The following COL9A1 variants were observed in gnomAD, a reference collection of about 807,000 sequenced individuals.
COL9A1 encodes the protein collagen type IX alpha 1 chain.
In COL9A1, 104 loss-of-function variants were observed where a neutral mutation model predicts 142.6. That is an observed-to-expected ratio of 0.73 (90% CI 0.62 to 0.86). The LOEUF (loss-of-function observed/expected upper bound fraction) is 0.86, where lower values mean the gene tolerates loss of function less well. Among genes scored for constraint, COL9A1 ranks in the 40% least tolerant of loss-of-function variants. The pLI is 0.00. For missense variants in COL9A1, 1,210 were observed against 1,176.6 expected, an observed-to-expected ratio of 1.03 and a Z score of -0.42; for synonymous variants, 466 against 396.0, an observed-to-expected ratio of 1.18 and a Z score of -2.10.
At chr6:70,229,458 T>C (rs890868917) in intron 36 of COL9A1, among the ~76,000 whole-genome samples, 3 of 152,170 alleles carry the variant, frequency 2.0e-5, no homozygotes, top group African/African-American at 7.2e-5. Flanking sequence ...TTCTCATTGC[T>C]CTATAGTTGC....
At chr6:70,296,300 T>C (rs1773847798) in intron 4 of COL9A1, among the ~76,000 whole-genome samples, 1 of 152,150 alleles carries the variant, frequency 6.6e-6, no homozygotes, top group Admixed American at 6.5e-5. Flanking sequence ...ATGGGATGAA[T>C]TATTTTATCC....
intron 9 of COL9A1, 34 bp downstream of exon 9, chr6:70,280,970 G>A (rs1222394420): frequency 7.4e-6 from 12 of 1,613,436 alleles, no homozygotes; most frequent in Non-Finnish European, 1.0e-5. Flanking sequence ...TCTAAAGGAA[G>A]GAAGTGGAGC....
chr6:70,292,977 A>G (rs992138763), intron 5 of COL9A1, among the ~76,000 whole-genome samples: 10 of 152,226 alleles, frequency 6.6e-5, no homozygotes, highest in African/African-American at 2.4e-4. Context: ...CTTCCCGTCC[A>G]TCACAGAATA....
At chr6:70,263,350 G>T in intron 18 of COL9A1, 53 bp from the exon 19 acceptor site, 3 of 1,511,314 alleles carry the variant, frequency 2.0e-6, no homozygotes, top group South Asian at 1.2e-5. Context: ...TCTAGCAAAC[G>T]AACATAGAAA....
chr6:70,243,076 G>A (rs1203450203), intron 28 of COL9A1, among the ~76,000 whole-genome samples: 1 of 152,188 alleles, frequency 6.6e-6, no homozygotes. Flanking sequence ...ATTCTGCACA[G>A]TGCCTAGAAC....
intron 2 of COL9A1, 136 bp downstream of exon 2, chr6:70,301,865 G>T: frequency 1.4e-6 from 1 of 733,838 alleles, no homozygotes; most frequent in Non-Finnish European, 2.4e-6. Flanking sequence ...ATGTATCCCT[G>T]TGCCCCAAAG....
intron 4 of COL9A1, among the ~76,000 whole-genome samples, chr6:70,295,650 G>A (rs1015233172): frequency 6.6e-6 from 1 of 152,044 alleles, no homozygotes; most frequent in Non-Finnish European, 1.5e-5. Context: ...TGCTTTAAAT[G>A]GCAGAATAAA....
intron 21 of COL9A1, among the ~76,000 whole-genome samples, 171 bp downstream of exon 21, chr6:70,256,597 T>C (rs1168026699): frequency 6.6e-6 from 1 of 152,152 alleles, no homozygotes; most frequent in African/African-American, 2.4e-5. Flanking sequence ...AACATTTCTA[T>C]GTACCCGAGA....
At chr6:70,223,999 C>T (rs1016771186) in intron 37 of COL9A1, among the ~76,000 whole-genome samples, 13 of 151,944 alleles carry the variant, frequency 8.6e-5, no homozygotes, top group African/African-American at 2.9e-4. Context: ...GAGGTGATCC[C>T]AGGAAAGCAG....
rs11407353 is a variant in COL9A1 at position 70,227,424 on chromosome 6, T to TAAAAAAAAAAAAAAAAAAAAAAAA, written c.2504-1439_2504-1416dup. Among the ~76,000 whole-genome samples, 9 of 50,026 alleles carry TAAAAAAAAAAAAAAAAAAAAAAAA rather than the reference T, an allele frequency of 1.8e-4. 1 individual carries two copies. Among genetic ancestry groups the TAAAAAAAAAAAAAAAAAAAAAAAA allele is most frequent in the East Asian group, 1.3e-3 (2 of 1,494 alleles). The allele number at this position is 50,026 out of a possible 152,430, so 32.8% of individuals were successfully genotyped here. On this transcript the variant is annotated intron_variant, in intron 36 of 37. Coordinates refer to ENST00000357250, the MANE Select transcript of COL9A1 (RefSeq NM_001851.6). ...CTCATAACAAAATAAATGCAAATTG[T>TAAAAAAAAAAAAAAAAAAAAAAAA]AAAAAAAAAAAAAAAAAAAAAAAAG...
At chr6:70,280,914 AG>A (rs758983447) in intron 9 of COL9A1, 40 bp from the exon 10 acceptor site, 3 of 1,613,156 alleles carry the variant, frequency 1.9e-6, no homozygotes, top group Non-Finnish European at 2.5e-6. Context: ...GGAGAGAAAA[AG>A]GTGCAAAGTT....
chr6:70,237,789 G>A (rs3828777), intron 33 of COL9A1, among the ~76,000 whole-genome samples: 8,551 of 152,240 alleles, frequency 0.056, 479 homozygotes, highest in African/African-American at 0.14. Context: ...AGTGTTTAGA[G>A]GCAGGTAAGT....
At chr6:70,283,632 G>A (rs1773312840) in intron 6 of COL9A1, 105 bp downstream of exon 6, 1 of 812,912 alleles carries the variant, frequency 1.2e-6, no homozygotes, top group Admixed American at 2.0e-5. Context: ...TAGCGAAAGA[G>A]AGTGGGGAGG....
chr6:70,281,313 AC>A (rs59512221), intron 8 of COL9A1, 76 bp downstream of exon 8: 452 of 1,304,644 alleles, frequency 3.5e-4, no homozygotes, highest in South Asian at 7.3e-4. Flanking sequence ...AAAAAAAAAA[AC>A]CCCACAGGAG....
At chr6:70,249,057 C>A (rs369827602) in intron 28 of COL9A1, among the ~76,000 whole-genome samples, 2 of 152,098 alleles carry the variant, frequency 1.3e-5, no homozygotes, top group Non-Finnish European at 2.9e-5. Flanking sequence ...TGAGAATTAG[C>A]ATGGAGTCCA....
chr6:70,229,500 G>C (rs570869965), intron 36 of COL9A1, among the ~76,000 whole-genome samples: 8 of 152,146 alleles, frequency 5.3e-5, no homozygotes, highest in African/African-American at 1.9e-4. Context: ...AGCTATAATT[G>C]ATGCTCTATC....
chr6:70,267,601 C>T (rs572373167), intron 17 of COL9A1, among the ~76,000 whole-genome samples: 15 of 152,184 alleles, frequency 9.9e-5, no homozygotes, highest in African/African-American at 1.7e-4. Flanking sequence ...GGATTACAGG[C>T]GTGAGCCACC....
At chr6:70,224,459 T>C (rs1017976952) in intron 37 of COL9A1, among the ~76,000 whole-genome samples, 39 of 152,332 alleles carry the variant, frequency 2.6e-4, no homozygotes, top group African/African-American at 9.4e-4. Context: ...CTATAAACCA[T>C]AATACATTTT....
At chr6:70,242,954 C>G (rs1770360197) in intron 28 of COL9A1, among the ~76,000 whole-genome samples, 1 of 152,228 alleles carries the variant, frequency 6.6e-6, no homozygotes, top group Non-Finnish European at 1.5e-5. Flanking sequence ...GGCAATTAGT[C>G]ACTTTCAACA....
Sources: allele counts gnomAD v4.1 joint callset (sites outside exome capture counted in the v4.1 genomes callset), GRCh38; gene constraint gnomAD v4.1.1; transcripts MANE v1.5; gene names NCBI Gene and HGNC (gene_info 2026-07-23, HGNC 2026-07-21).